IMPDH2: variants seen among roughly 807,000 people sequenced by gnomAD.
IMPDH2 encodes inosine monophosphate dehydrogenase 2, also known as inosine-5'-monophosphate dehydrogenase 2.
A neutral mutation model predicts 57.8 loss-of-function variants in IMPDH2; 33 were observed. The ratio of observed to expected loss-of-function variants is 0.57; its 90% CI spans 0.43 to 0.76. The LOEUF (loss-of-function observed/expected upper bound fraction) is 0.76, where lower values mean the gene tolerates loss of function less well. Ranked by LOEUF, IMPDH2 falls within the 30% of genes least tolerant of loss-of-function variation. The pLI, the probability that IMPDH2 is intolerant of heterozygous loss-of-function variation, is 0.00. For missense variants in IMPDH2, 446 were observed against 659.1 expected, an observed-to-expected ratio of 0.68 and a Z score of 3.54; for synonymous variants, 270 against 241.3, an observed-to-expected ratio of 1.12 and a Z score of -1.10.
intron 4 of IMPDH2, 139 bp from the exon 5 acceptor site, chr3:49,028,055 A>C (rs2093206866): frequency 2.5e-6 from 2 of 806,576 alleles, no homozygotes; most frequent in Non-Finnish European, 4.1e-6. Flanking sequence ...TCTTAGAGAC[A>C]TGGGTAGGCT....
chr3:49,026,260 G>C (rs1232981769), intron 9 of IMPDH2, 64 bp downstream of exon 9: 2 of 1,214,296 alleles, frequency 1.6e-6, no homozygotes, highest in Non-Finnish European at 2.4e-6. Flanking sequence ...AAGAGTGCTT[G>C]GTTCCAAGGT....
rs746865709 is a variant in IMPDH2, at chr3:49,024,587, G to A, written c.1440-9C>T. ...CAGAGTACATCATGGCTCTGAAGAA[G>A]GGCAGAGGTCAAATGTGGGTAGCTG... On this transcript the variant is annotated splice_polypyrimidine_tract_variant and intron_variant, in intron 12 of 13. Coordinates refer to ENST00000326739, the MANE Select transcript of IMPDH2 (RefSeq NM_000884.3). 4 of 1,614,184 alleles carry A rather than the reference G, an allele frequency of 2.5e-6. No homozygotes were observed. In the South Asian group the frequency reaches 3.3e-5, roughly 13 times the overall value.
At position 49,028,758 on chromosome 3, in the gene IMPDH2, C is replaced by T. The variant is rs1348198622; in HGVS notation, c.147G>A (p.Val49=). Residue 49 remains valine, a splice_region_variant and synonymous_variant, in exon 2 of 14, where the codon GTG becomes GTA. Transcript: ENST00000326739. The part of the protein sequence containing the change: ...PGYIDFTADQ[V]DLTSALTKKI... ...GGACCCAATTCCTGATCATACTCAC[C>T]ACCTGGTCTGCAGTGAAGTCGATGT... The T allele has an allele frequency of 6.2e-7, 1 of 1,613,012 alleles. No homozygotes were observed. Among genetic ancestry groups the T allele is most frequent in the Admixed American group, 1.7e-5 (1 of 60,006 alleles).
intron 8 of IMPDH2, 21 bp downstream of exon 8, chr3:49,026,498 C>G: frequency 6.2e-7 from 1 of 1,607,962 alleles, no homozygotes; most frequent in Non-Finnish European, 8.5e-7. Flanking sequence ...ACACATCCTT[C>G]AGGGCACAAT....
At position 49,024,656 on chromosome 3, in the gene IMPDH2, C is replaced by T; in HGVS notation, c.1439+3G>A. On this transcript the variant is annotated splice_donor_region_variant and intron_variant, in intron 12 of 13. Transcript: ENST00000326739. The stretch of plus-strand genomic sequence containing the variant: ...TACCCATGTCCCAGCTCCCCAAGCT[C>T]ACCGGACTTGGGTCAAGCTCTTGGC... 6.2e-7 allele frequency: 1 copy of T among 1,614,242 alleles called. No individual in the cohort carries two copies. Among genetic ancestry groups the T allele is most frequent in the Non-Finnish European group, 8.5e-7 (1 of 1,180,046 alleles).
chr3:49,029,115 A>G, intron 1 of IMPDH2, 138 bp downstream of exon 1: 1 of 724,076 alleles, frequency 1.4e-6, no homozygotes, highest in Non-Finnish European at 2.5e-6. Flanking sequence ...TCTCAAAGTG[A>G]GCCCCGGAGG....
intron 9 of IMPDH2, chr3:49,025,536 G>A (rs2093194789): frequency 2.1e-6 from 1 of 481,786 alleles, no homozygotes; most frequent in African/African-American, 2.0e-5. Context: ...TTAGCAGCCG[G>A]GAAAGCCCCC....
Position 49,024,713 on chromosome 3 carries a change from G to A in IMPDH2, c.1385C>T (p.Ala462Val), listed in dbSNP as rs1254463673. 1 of 1,614,218 alleles carries A rather than the reference G, an allele frequency of 6.2e-7. No individual in the cohort carries two copies. The highest frequency in any genetic ancestry group is 8.5e-7 in the Non-Finnish European group (1 of 1,180,034). The change falls in exon 12 of 14, where the codon GCT (alanine) becomes GTT (valine). Residue 462 changes from alanine (A) to valine (V), a missense_variant. Coordinates refer to ENST00000326739, the MANE Select transcript of IMPDH2 (RefSeq NM_000884.3). ...SIHKFVPYLI[A>V]GIQHSCQDIG... ...GTCCTGGCATGAGTGTTGGATGCCA[G>A]CAATCAGGTAAGGGACAAATTTGTG...
intron 9 of IMPDH2, chr3:49,025,488 G>C: frequency 1.7e-6 from 1 of 571,756 alleles, no homozygotes; most frequent in Non-Finnish European, 3.1e-6. Context: ...GCACGTGCAT[G>C]TGTGCAGTGC....
At chr3:49,028,599 C>G in intron 2 of IMPDH2, 67 bp from the exon 3 acceptor site, 1 of 1,427,006 alleles carries the variant, frequency 7.0e-7, no homozygotes, top group Non-Finnish European at 9.9e-7. Flanking sequence ...ACTGAGTCCC[C>G]CACAAAAAGG....
intron 4 of IMPDH2, 160 bp downstream of exon 4, chr3:49,028,088 A>T: frequency 1.3e-6 from 1 of 783,560 alleles, no homozygotes; most frequent in South Asian, 1.6e-5. Context: ...CACCTGGTCT[A>T]TTGCTGCTGC....
chr3:49,024,386 G>A lies in IMPDH2; in HGVS notation c.1542C>T (p.Phe514=), dbSNP rs1049818. The change falls in exon 14 of 14, where the codon TTC becomes TTT. Residue 514 remains phenylalanine, a synonymous_variant. Transcript: ENST00000326739. ...HSLHSYEKRL[F] ...AGGAGGTGTGCTGGATCCCTTTTCA[G>A]AAAAGCCGCTTCTCATACCTGCAGG... 6.8e-6 allele frequency: 11 copies of A among 1,614,084 alleles called. 1 individual carries two copies. The East Asian group carries it at 2.5e-4, about 36-fold the overall frequency.
chr3:49,025,114 A>T lies in IMPDH2; in HGVS notation c.1150+12T>A, dbSNP rs1261007639. Reference sequence around the variant, plus strand: ...GGGGGTCCCACTGGCCTTCACGGGTACTGGGCCTCACCTGTGGAGGCCCCA... The same window carrying T: ...GGGGGTCCCACTGGCCTTCACGGGTTCTGGGCCTCACCTGTGGAGGCCCCA... On this transcript the variant is annotated intron_variant, in intron 10 of 13. Transcript: ENST00000326739. 9.9e-6 allele frequency: 16 copies of T among 1,614,076 alleles called. No individual in the cohort carries two copies. The highest frequency in any genetic ancestry group is 1.4e-5 in the Non-Finnish European group (16 of 1,180,014).
In IMPDH2 at chr3:49,029,248, C is replaced by G. The variant is rs747678366; in HGVS notation, c.98+5G>C. On this transcript the variant is annotated splice_donor_5th_base_variant and intron_variant, in intron 1 of 13. Coordinates refer to ENST00000326739, the MANE Select transcript of IMPDH2 (RefSeq NM_000884.3). ...TTCGCCCAGGTGAGCCCCATAGGCCCGCACTTGTAGGTGAGGCCGTCTCCG... is the reference window on the plus strand; with the variant it reads ...TTCGCCCAGGTGAGCCCCATAGGCCGGCACTTGTAGGTGAGGCCGTCTCCG... 6.3e-7 allele frequency: 1 copy of G among 1,594,672 alleles called. No individual in the cohort carries two copies. Among genetic ancestry groups the G allele is most frequent in the African/African-American group, 1.3e-5 (1 of 74,748 alleles).
Position 49,027,924 on chromosome 3 carries a change from G to A in IMPDH2, c.325-8C>T. 6.2e-7 allele frequency: 1 copy of A among 1,605,456 alleles called. No individual in the cohort carries two copies. Among genetic ancestry groups the A allele is most frequent in the South Asian group, 1.1e-5 (1 of 90,708 alleles). ...GAATCCCTGTTCATATTTCTGGAAA[G>A]GGATGGTGAGAAAGGGCATCGCATC... On this transcript the variant is annotated splice_region_variant and splice_polypyrimidine_tract_variant and intron_variant, in intron 4 of 13. Coordinates refer to ENST00000326739, the MANE Select transcript of IMPDH2 (RefSeq NM_000884.3).
rs764198697 is a variant in IMPDH2 at position 49,029,204 on chromosome 3, C to T, written c.98+49G>A. The T allele has an allele frequency of 2.5e-5, 36 of 1,465,544 alleles. 2 individuals carry two copies. The South Asian group carries it at 4.3e-4, about 18-fold the overall frequency. The allele number at this position is 1,465,544 out of a possible 1,614,324, so 90.8% of individuals were successfully genotyped here. On this transcript the variant is annotated intron_variant, in intron 1 of 13. Coordinates refer to ENST00000326739, the MANE Select transcript of IMPDH2 (RefSeq NM_000884.3). ...CGGAAGCCCCCATCTGGCCTTTTCC[C>T]CAGGGTGCCGCCCCTCTCTTCGCCC... is the stretch of plus-strand genomic sequence containing the variant.
chr3:49,029,217 CCT>C (rs1465724877), intron 1 of IMPDH2, 34 bp downstream of exon 1: 5 of 1,506,628 alleles, frequency 3.3e-6, no homozygotes, highest in Non-Finnish European at 4.5e-6. Context: ...GGGTGCCGCC[CCT>C]CTCTTCGCCC....
At chr3:49,025,064 GTTAGAGCC>G in intron 10 of IMPDH2, 24 bp from the exon 11 acceptor site, 1 of 1,614,236 alleles carries the variant, frequency 6.2e-7, no homozygotes, top group Non-Finnish European at 8.5e-7. Context: ...GAGTGCTTGG[GTTAGAGCC>G]TAAGCAGCAC....
chr3:49,029,180 G>A (rs772483839), intron 1 of IMPDH2, 73 bp downstream of exon 1: 7 of 1,268,286 alleles, frequency 5.5e-6, no homozygotes, highest in South Asian at 2.5e-5. Flanking sequence ...GGCGGCTCTC[G>A]GAAGCCCCCA....
Sources: gnomAD v4.1 joint callset for allele counts on GRCh38, gnomAD v4.1.1 for gene constraint, MANE v1.5 for transcripts, NCBI Gene and HGNC (gene_info 2026-07-23, HGNC 2026-07-21) for gene names.